GNL3L: variants seen among roughly 807,000 people sequenced by gnomAD.
The protein encoded by GNL3L is guanine nucleotide-binding protein-like 3-like protein.
A neutral mutation model predicts 42.9 loss-of-function variants in GNL3L; 4 were observed. That is an observed-to-expected ratio of 0.09 (90% CI 0.05 to 0.21). GNL3L has a LOEUF of 0.21. Among genes scored for constraint, GNL3L ranks in the 10% least tolerant of loss-of-function variants. GNL3L has a pLI of 1.00. For missense variants in GNL3L, 412 were observed against 481.7 expected, an observed-to-expected ratio of 0.86 and a Z score of 1.36; for synonymous variants, 159 against 176.3, an observed-to-expected ratio of 0.90 and a Z score of 0.78.
the GNL3L span, among the ~76,000 whole-genome samples, chrX:54,630,154 C>G: frequency 9.2e-6 from 1 of 109,256 alleles, no homozygotes; most frequent in East Asian, 2.8e-4. Flanking sequence ...CTTCTTTTCT[C>G]GGTGAATCTC....
chrX:54,630,691 TTCC>T, the GNL3L span, among the ~76,000 whole-genome samples: 1 of 817 alleles, frequency 1.2e-3, no homozygotes. Context: ...CCTTCCTTCC[TTCC>T]TTCCTTTCTT....
chrX:54,599,964 T>G (rs770298681), intron 16 of GNL3L, among the ~76,000 whole-genome samples: 34 of 110,800 alleles, frequency 3.1e-4, no homozygotes, highest in East Asian at 2.8e-4. Flanking sequence ...TGATGAGACT[T>G]TCTATTTTTT....
downstream of GNL3L, among the ~76,000 whole-genome samples, chrX:54,568,473 G>C (rs1419667312): frequency 9.0e-6 from 1 of 110,816 alleles, no homozygotes; most frequent in East Asian, 2.8e-4. Context: ...CCATTTCCTT[G>C]CCTTTTTCAG....
Position 54,558,508 on chromosome X carries a change from C to T in GNL3L, c.1519C>T (p.His507Tyr). Residue 507 changes from histidine to tyrosine, a missense_variant, in exon 15 of 16, where the codon CAC becomes TAC. Coordinates refer to ENST00000360845, the MANE Select transcript of GNL3L (RefSeq NM_001184819.2). Reference sequence around the variant, plus strand: ...GGGGTGGGCTAAACGCAATGTGGACCACCGCCCTAAGAGCAACAGTATGGT... The same window carrying T: ...GGGGTGGGCTAAACGCAATGTGGACTACCGCCCTAAGAGCAACAGTATGGT... ...QMGWAKRNVD[H>Y]RPKSNSMVDV... 8.3e-7 allele frequency: 1 copy of T among 1,209,119 alleles called. No individual in the cohort carries two copies. Among genetic ancestry groups the T allele is most frequent in the Non-Finnish European group, 1.1e-6 (1 of 893,239 alleles).
At chrX:54,625,847 A>C (rs1204315020), downstream of GNL3L, among the ~76,000 whole-genome samples, 1 of 108,790 alleles carries the variant, frequency 9.2e-6, no homozygotes, top group African/African-American at 3.5e-5. Flanking sequence ...AGTTTTTATA[A>C]CATGACAAAA....
At chrX:54,571,855 C>T (rs1925548087), downstream of GNL3L, among the ~76,000 whole-genome samples, 1 of 109,305 alleles carries the variant, frequency 9.1e-6, no homozygotes, top group Admixed American at 9.8e-5. Context: ...TTTTCCTCTT[C>T]ACCTGCTTTC....
downstream of GNL3L, among the ~76,000 whole-genome samples, chrX:54,621,856 A>G (rs1370157170): frequency 8.9e-6 from 1 of 111,769 alleles, no homozygotes; most frequent in Admixed American, 9.5e-5. Context: ...ATTTCCATCC[A>G]CATCTCAGTT....
intron 14 of GNL3L, among the ~76,000 whole-genome samples, chrX:54,557,181 CA>C (rs1016216250): frequency 2.6e-4 from 26 of 99,881 alleles, no homozygotes; most frequent in South Asian, 4.5e-4. Context: ...AACTCCATCT[CA>C]AAAAAAAAAA....
intron 16 of GNL3L, among the ~76,000 whole-genome samples, chrX:54,572,457 TC>T (rs1215291700): frequency 1.8e-5 from 2 of 111,440 alleles, no homozygotes; most frequent in Non-Finnish European, 3.8e-5. Flanking sequence ...TCCCCACCTT[TC>T]CCCCCTTTCT....
rs1380962336 is a variant in GNL3L at position 54,562,792 on chromosome X, C to T, written c.*2190C>T. 3.0e-5 allele frequency among the ~76,000 whole-genome samples: 3 copies of T among 101,144 alleles called. No individual in the cohort carries two copies. The highest frequency in any genetic ancestry group is 1.1e-4 in the African/African-American group (3 of 27,362). 87.8% of individuals were successfully genotyped at this position (101,144 alleles called of 115,157 possible). ...TGGGGGACAGAGTGAGACTTCGTCT[C>T]GGAAAAAAAAAAAAAAAGTTGACAG... On this transcript the variant is annotated 3_prime_UTR_variant, in exon 16 of 16. Transcript: ENST00000360845.
At chrX:54,597,867 C>T (rs778636219) in intron 16 of GNL3L, among the ~76,000 whole-genome samples, 3 of 111,071 alleles carry the variant, frequency 2.7e-5, no homozygotes, top group Non-Finnish European at 5.7e-5. Flanking sequence ...GCTGCACTCT[C>T]CCTGCCGCCA....
At chrX:54,630,696 T>TCCTTCCTTCCTTCCTTCCTTCCTG in the GNL3L span, among the ~76,000 whole-genome samples, 1 of 1,135 alleles carries the variant, frequency 8.8e-4, no homozygotes, top group Non-Finnish European at 1.6e-3. Context: ...CTTCCTTCCT[T>TCCTTCCTTCCTTCCTTCCTTCCTG]CCTTTCTTTC....
At position 54,539,074 on chromosome X, in the gene GNL3L, C is replaced by T. The variant is rs1442228207; in HGVS notation, c.54C>T (p.His18=). The T allele has an allele frequency of 5.2e-6, 6 of 1,158,295 alleles. No individual in the cohort carries two copies. The African/African-American group carries it at 9.0e-5, about 17-fold the overall frequency. The part of the protein sequence containing the change: ...NKKPGEGSKG[H]KKISWPYPQP... ...AGCCAGGTGAAGGTTCCAAGGGCCA[C>T]AAGAAGATAAGTTGGCCCTACCCTC... Residue 18 remains histidine (H), a synonymous_variant, in exon 3 of 16, where the codon CAC becomes CAT. Coordinates refer to ENST00000360845, the MANE Select transcript of GNL3L (RefSeq NM_001184819.2).
intron 16 of GNL3L, among the ~76,000 whole-genome samples, chrX:54,606,999 T>TC (rs11412780): frequency 0.088 from 1,827 of 20,742 alleles, 66 homozygotes; most frequent in African/African-American, 0.23. Context: ...TCCTTTCCTT[T>TC]CTTTCTTTCT....
Position 54,564,164 on chromosome X carries a change from C to T in GNL3L, c.*3562C>T, listed in dbSNP as rs1189193460. Among the ~76,000 whole-genome samples the T allele has an allele frequency of 9.0e-6, 1 of 110,902 alleles. No homozygotes were observed. Among genetic ancestry groups the T allele is most frequent in the Non-Finnish European group, 1.9e-5 (1 of 53,033 alleles). Reference sequence around the variant, plus strand: ...TCAATAGAATCATACAATGAGTAGGCTTATTTTATGCCTTCAGGTTTTAAA... The same window carrying T: ...TCAATAGAATCATACAATGAGTAGGTTTATTTTATGCCTTCAGGTTTTAAA... On this transcript the variant is annotated 3_prime_UTR_variant, in exon 16 of 16. Transcript: ENST00000360845.
intron 16 of GNL3L, among the ~76,000 whole-genome samples, chrX:54,578,466 C>A (rs1925664623): frequency 8.9e-6 from 1 of 112,348 alleles, no homozygotes; most frequent in South Asian, 3.7e-4. Flanking sequence ...CTTGTGCTAT[C>A]CTTTTTAAGT....
At chrX:54,580,110 T>A (rs1238838148) in intron 16 of GNL3L, among the ~76,000 whole-genome samples, 4 of 103,994 alleles carry the variant, frequency 3.8e-5, no homozygotes, top group Non-Finnish European at 7.8e-5. Context: ...AACTCGTCAT[T>A]TAACATTAGG....
chrX:54,579,563 T>C (rs1482017980), intron 16 of GNL3L, among the ~76,000 whole-genome samples: 1 of 110,879 alleles, frequency 9.0e-6, no homozygotes, highest in Non-Finnish European at 1.9e-5. Context: ...TTAATTTTAA[T>C]TTTAATTTTT....
At chrX:54,545,113 G>A (rs1458724201) in intron 8 of GNL3L, among the ~76,000 whole-genome samples, 1 of 111,778 alleles carries the variant, frequency 8.9e-6, no homozygotes, top group African/African-American at 3.3e-5. Context: ...ACGGGGTTTC[G>A]CCGTGTTGGC....
Sources: gnomAD v4.1 joint callset for allele counts (sites outside exome capture counted in the v4.1 genomes callset) on GRCh38, gnomAD v4.1.1 for gene constraint, MANE v1.5 for transcripts, NCBI Gene and HGNC (gene_info 2026-07-23, HGNC 2026-07-21) for gene names.